The following IL1RAPL1 variants were observed in gnomAD, a reference collection of about 807,000 sequenced individuals.
The protein encoded by IL1RAPL1 is interleukin 1 receptor accessory protein like 1.
IL1RAPL1 carries 3 observed loss-of-function variants against 48.4 expected under a neutral mutation model. The observed-to-expected ratio is 0.06, with a 90% CI of 0.03 to 0.16. The LOEUF is 0.16. IL1RAPL1 is among the 10% of genes least tolerant of loss of function. The pLI is 1.00. For missense variants in IL1RAPL1, 349 were observed against 530.6 expected (o/e 0.66, Z 3.36); for synonymous variants, 185 against 187.7 (o/e 0.99, Z 0.12).
At chrX:29,765,119 C>T (rs1024269388) in intron 6 of IL1RAPL1, among the ~76,000 whole-genome samples, 2 of 111,996 alleles carry the variant, frequency 1.8e-5, no homozygotes, top group Non-Finnish European at 3.8e-5. Flanking sequence ...TGTTCTCAAG[C>T]GAAATAAAAC....
intron 2 of IL1RAPL1, among the ~76,000 whole-genome samples, chrX:29,010,363 A>G (rs1174316426): frequency 1.8e-5 from 2 of 111,587 alleles, no homozygotes; most frequent in Non-Finnish European, 3.8e-5. Context: ...ACAGTTTAGT[A>G]TGATGTTGAC....
intron 2 of IL1RAPL1, among the ~76,000 whole-genome samples, chrX:29,278,031 G>A (rs183557517): frequency 8.7e-4 from 97 of 111,090 alleles, no homozygotes; most frequent in Admixed American, 6.1e-3. Context: ...TTTGGGTTTC[G>A]GATTTTCTGA....
intron 2 of IL1RAPL1, among the ~76,000 whole-genome samples, chrX:28,983,739 G>T (rs946658650): frequency 9.0e-6 from 1 of 111,077 alleles, no homozygotes; most frequent in Admixed American, 9.6e-5. Flanking sequence ...GAGTAGCTTT[G>T]ACTATACTTA....
intron 2 of IL1RAPL1, among the ~76,000 whole-genome samples, chrX:29,197,261 A>G (rs1198160891): frequency 2.7e-5 from 3 of 112,263 alleles, no homozygotes; most frequent in Non-Finnish European, 3.8e-5. Flanking sequence ...TCATTTCCAA[A>G]GAAACAACTG....
At chrX:29,523,526 T>C (rs1263931719) in intron 5 of IL1RAPL1, among the ~76,000 whole-genome samples, 1 of 111,768 alleles carries the variant, frequency 8.9e-6, no homozygotes, top group East Asian at 2.8e-4. Context: ...AACTAAATAC[T>C]GTTACTGAGA....
At chrX:28,659,601 G>A in intron 1 of IL1RAPL1, 1 of 398,530 alleles carries the variant, frequency 2.5e-6, no homozygotes, top group Non-Finnish European at 4.5e-6. Flanking sequence ...GCGGTGGCGC[G>A]GCGGCGGCTG....
At chrX:29,598,134 C>G (rs1162842941) in intron 5 of IL1RAPL1, among the ~76,000 whole-genome samples, 1 of 111,926 alleles carries the variant, frequency 8.9e-6, no homozygotes, top group Non-Finnish European at 1.9e-5. Context: ...TGTTTGTGCT[C>G]TCGCAAACCT....
chrX:29,772,119 G>C (rs747290501), intron 6 of IL1RAPL1, among the ~76,000 whole-genome samples: 4 of 109,455 alleles, frequency 3.7e-5, no homozygotes, highest in African/African-American at 1.3e-4. Context: ...CACCCAAACC[G>C]TATTAGTGGC....
intron 2 of IL1RAPL1, among the ~76,000 whole-genome samples, chrX:28,848,714 G>A (rs765531482): frequency 2.9e-4 from 32 of 111,456 alleles, no homozygotes; most frequent in African/African-American, 8.8e-4. Flanking sequence ...ACTGCTGGGT[G>A]AGAAGTAAGG....
intron 3 of IL1RAPL1, among the ~76,000 whole-genome samples, chrX:29,308,952 G>T (rs1353192487): frequency 1.8e-5 from 2 of 112,108 alleles, no homozygotes; most frequent in Non-Finnish European, 3.8e-5. Flanking sequence ...GTCCCCCATT[G>T]AAATGCAAAT....
intron 2 of IL1RAPL1, among the ~76,000 whole-genome samples, chrX:29,202,250 C>T (rs1278352789): frequency 1.8e-5 from 2 of 111,346 alleles, no homozygotes; most frequent in Non-Finnish European, 3.8e-5. Context: ...AGCCAACAAT[C>T]ATGAAAAAAA....
Position 29,668,490 on chromosome X carries a change from A to G in IL1RAPL1, c.764A>G (p.Gln255Arg), listed in dbSNP as rs376188801. The G allele has an allele frequency of 7.5e-6, 9 of 1,198,081 alleles. No individual in the cohort carries two copies. The highest frequency in any genetic ancestry group is 1.0e-5 in the Non-Finnish European group (9 of 884,550). Residue 255 changes from glutamine (Q) to arginine (R), a missense_variant, in exon 6 of 11, where the codon CAG (glutamine) becomes CGG (arginine). By Grantham distance (43) the Gln-to-Arg change is conservative. Coordinates refer to ENST00000378993, the MANE Select transcript of IL1RAPL1 (RefSeq NM_014271.4). ...LYPMESKLTIQETQLGDSANL... is the reference protein window; with the variant it reads ...LYPMESKLTIRETQLGDSANL... ...CCTATGGAAAGTAAACTGACAATTC[A>G]GGAGACCCAGCTGGGTGAGTAATTC... is the stretch of plus-strand genomic sequence containing the variant.
At chrX:28,678,221 A>T (rs1288661852) in intron 1 of IL1RAPL1, among the ~76,000 whole-genome samples, 1 of 111,451 alleles carries the variant, frequency 9.0e-6, no homozygotes, top group African/African-American at 3.3e-5. Context: ...TCTATGTTTT[A>T]TTCCGATGGC....
chrX:29,486,612 CAAAAAAAAAA>C (rs768358495), intron 5 of IL1RAPL1, among the ~76,000 whole-genome samples: 1,533 of 41,006 alleles, frequency 0.037, 19 homozygotes, highest in South Asian at 0.11. Context: ...AAGTGCTATA[CAAAAAAAAAA>C]AAAAAAAAAA....
chrX:29,570,427 G>C (rs1232958939), intron 5 of IL1RAPL1, among the ~76,000 whole-genome samples: 2 of 112,388 alleles, frequency 1.8e-5, no homozygotes, highest in East Asian at 5.6e-4. Flanking sequence ...AAACGAAACA[G>C]TTTAATCTCT....
At chrX:29,758,137 A>C (rs1459992138) in intron 6 of IL1RAPL1, among the ~76,000 whole-genome samples, 1 of 112,115 alleles carries the variant, frequency 8.9e-6, no homozygotes, top group Non-Finnish European at 1.9e-5. Context: ...TCCAAGGCAC[A>C]AAGAAACACT....
chrX:29,484,037 C>T (rs1188923468), intron 5 of IL1RAPL1, among the ~76,000 whole-genome samples: 2 of 108,654 alleles, frequency 1.8e-5, no homozygotes, highest in Non-Finnish European at 3.8e-5. Flanking sequence ...TCATTGAGCA[C>T]CTACTTTGTA....
At position 29,581,893 on chromosome X, in the gene IL1RAPL1, G is replaced by A. The variant is rs145813506; in HGVS notation, c.704-86537G>A. Among the ~76,000 whole-genome samples, 441 of 111,180 alleles carry A rather than the reference G, an allele frequency of 4.0e-3. 1 individual carries two copies. Among genetic ancestry groups the A allele is most frequent in the African/African-American group, 0.014 (426 of 30,613 alleles). ...AGTAAGAGAGAGCACCATCTGAATG[G>A]AGTCTTGGTAATGTGTCAAAATATG... is the stretch of plus-strand genomic sequence containing the variant. On this transcript the variant is annotated intron_variant, in intron 5 of 10. Transcript: ENST00000378993.
intron 5 of IL1RAPL1, among the ~76,000 whole-genome samples, chrX:29,489,415 G>A (rs1305487121): frequency 8.9e-6 from 1 of 111,771 alleles, no homozygotes; most frequent in Non-Finnish European, 1.9e-5. Flanking sequence ...TACATGTAAT[G>A]TTTGGTTAAT....
Sources: allele counts gnomAD v4.1 joint callset (sites outside exome capture counted in the v4.1 genomes callset), GRCh38; gene constraint gnomAD v4.1.1; transcripts MANE v1.5; gene names NCBI Gene and HGNC (gene_info 2026-07-23, HGNC 2026-07-21).